STIM1: variants seen among roughly 807,000 people sequenced by gnomAD.
STIM1 encodes stromal interaction molecule 1.
STIM1 carries 25 observed loss-of-function variants against 74.7 expected under a neutral mutation model. That is an observed-to-expected ratio of 0.33 (90% CI 0.24 to 0.47). The LOEUF (loss-of-function observed/expected upper bound fraction) is 0.47, where lower values mean the gene tolerates loss of function less well. Among genes scored for constraint, STIM1 ranks in the 20% least tolerant of loss-of-function variants. The pLI is 1.00. For missense variants in STIM1, 728 were observed against 920.8 expected (o/e 0.79, Z 2.71); for synonymous variants, 328 against 348.8 (o/e 0.94, Z 0.66).
chr11:3,899,191 C>T (rs200299655), intron 1 of STIM1, among the ~76,000 whole-genome samples: 12 of 152,064 alleles, frequency 7.9e-5, no homozygotes, highest in African/African-American at 2.4e-4. Flanking sequence ...TTTTATTTCA[C>T]TGAGCAGTGG....
intron 1 of STIM1, chr11:3,867,008 A>C (rs373306866): frequency 3.3e-5 from 5 of 152,300 alleles, no homozygotes; most frequent in African/African-American, 1.2e-4. Context: ...TGCCCAGTAG[A>C]TATTTGTTGA....
chr11:3,906,320 C>T (rs1457376553), intron 1 of STIM1, among the ~76,000 whole-genome samples: 1 of 152,206 alleles, frequency 6.6e-6, no homozygotes, highest in Non-Finnish European at 1.5e-5. Flanking sequence ...AACTAGGTTA[C>T]CTCAGGCGAG....
intron 1 of STIM1, among the ~76,000 whole-genome samples, chr11:3,880,412 G>A (rs146467969): frequency 7.9e-5 from 12 of 152,228 alleles, no homozygotes; most frequent in South Asian, 6.2e-4. Flanking sequence ...AAAGTCTCCC[G>A]TCTCCCAAGT....
intron 1 of STIM1, among the ~76,000 whole-genome samples, chr11:3,926,937 A>G (rs1045488343): frequency 3.9e-5 from 6 of 152,210 alleles, no homozygotes; most frequent in African/African-American, 1.2e-4. Flanking sequence ...GGCTCCTCCT[A>G]TTATAAGCTG....
intron 1 of STIM1, among the ~76,000 whole-genome samples, chr11:3,866,191 CT>C (rs2090850585): frequency 6.6e-6 from 1 of 152,156 alleles, no homozygotes; most frequent in South Asian, 2.1e-4. Flanking sequence ...GCAGAACAAA[CT>C]TTTATTTATA....
rs56255114 is a variant in STIM1 at position 3,994,463 on chromosome 11, C to CTTT, written c.270+26794_270+26796dup. 1.9e-3 allele frequency among the ~76,000 whole-genome samples: 251 copies of CTTT among 134,378 alleles called. 1 individual carries two copies. Among genetic ancestry groups the CTTT allele is most frequent in the East Asian group, 0.014 (68 of 4,720 alleles). The allele number at this position is 134,378 out of a possible 152,430, so 88.2% of individuals were successfully genotyped here. Reference sequence around the variant, plus strand: ...ATATTTTTCCTTCTCCTTTTTCTTTCTTTTTTTTTTTTTTTGAGACATAGT... The same window carrying CTTT: ...ATATTTTTCCTTCTCCTTTTTCTTTCTTTTTTTTTTTTTTTTTTGAGACATAGT... On this transcript the variant is annotated intron_variant, in intron 2 of 12. Coordinates refer to ENST00000526596, the MANE Select transcript of STIM1 (RefSeq NM_001382567.1).
intron 1 of STIM1, among the ~76,000 whole-genome samples, chr11:3,920,986 G>A (rs1161380195): frequency 6.6e-6 from 1 of 151,984 alleles, no homozygotes; most frequent in African/African-American, 2.4e-5. Flanking sequence ...AGTAGAGACG[G>A]GGTTTCACCA....
At chr11:4,020,455 G>A (rs1477204687) in intron 2 of STIM1, among the ~76,000 whole-genome samples, 1 of 152,104 alleles carries the variant, frequency 6.6e-6, no homozygotes, top group Non-Finnish European at 1.5e-5. Flanking sequence ...ATCCTTGGCA[G>A]CATTTGTTAT....
chr11:3,960,096 G>A (rs974522527), intron 1 of STIM1, among the ~76,000 whole-genome samples: 4 of 152,188 alleles, frequency 2.6e-5, no homozygotes, highest in Non-Finnish European at 4.4e-5. Flanking sequence ...GCTGCATGTA[G>A]AAGTTTGATG....
At chr11:3,930,990 T>C (rs1014372545) in intron 1 of STIM1, among the ~76,000 whole-genome samples, 1 of 152,318 alleles carries the variant, frequency 6.6e-6, no homozygotes, top group African/African-American at 2.4e-5. Context: ...AAGATAGATA[T>C]GGTTCCTGCT....
intron 1 of STIM1, chr11:3,922,774 GA>G (rs531016753): frequency 1.2e-4 from 18 of 146,498 alleles, no homozygotes; most frequent in South Asian, 2.1e-4. Flanking sequence ...CTTTCCTAAA[GA>G]AAAAAAAAAT....
chr11:3,875,655 G>A (rs376160638), intron 1 of STIM1, among the ~76,000 whole-genome samples: 19 of 151,822 alleles, frequency 1.3e-4, no homozygotes, highest in East Asian at 7.8e-4. Flanking sequence ...GAGCCTGGGA[G>A]GCCGAGGCTA....
chr11:3,899,441 A>G (rs1175136796), intron 1 of STIM1, among the ~76,000 whole-genome samples: 2 of 152,306 alleles, frequency 1.3e-5, no homozygotes, highest in Non-Finnish European at 2.9e-5. Flanking sequence ...TTTTCTAGAT[A>G]TACAATCATG....
intron 1 of STIM1, among the ~76,000 whole-genome samples, chr11:3,905,325 G>C (rs1181592445): frequency 6.6e-6 from 1 of 151,680 alleles, no homozygotes; most frequent in Non-Finnish European, 1.5e-5. Context: ...AGGAAGGAAA[G>C]AGGGTGGTAT....
At chr11:3,894,414 G>A (rs2135391387) in intron 1 of STIM1, among the ~76,000 whole-genome samples, 1 of 152,216 alleles carries the variant, frequency 6.6e-6, no homozygotes, top group Admixed American at 6.5e-5. Context: ...TGGAGTGGGG[G>A]GTTCTGCTTT....
At chr11:3,956,944 A>G (rs2093222678) in intron 1 of STIM1, among the ~76,000 whole-genome samples, 1 of 151,352 alleles carries the variant, frequency 6.6e-6, no homozygotes, top group African/African-American at 2.4e-5. Flanking sequence ...AGTATGTGTC[A>G]GGCACTGTAC....
chr11:3,965,335 C>G (rs982146901), intron 1 of STIM1, among the ~76,000 whole-genome samples: 1 of 152,218 alleles, frequency 6.6e-6, no homozygotes, highest in African/African-American at 2.4e-5. Flanking sequence ...TATCATGGCA[C>G]TTAGCACATA....
At chr11:4,046,266 C>T (rs952247239) in intron 3 of STIM1, among the ~76,000 whole-genome samples, 5 of 151,828 alleles carry the variant, frequency 3.3e-5, no homozygotes, top group East Asian at 1.9e-4. Context: ...CTTTTCTCAA[C>T]GGTATCTCTT....
chr11:4,010,652 G>A (rs2923948), intron 2 of STIM1, among the ~76,000 whole-genome samples: 67,463 of 151,920 alleles, frequency 0.44, 16,205 homozygotes, highest in East Asian at 0.61. Context: ...GAGAGGCAAA[G>A]TAGCTTGCCC....
Sources: gnomAD v4.1 joint callset for allele counts (sites outside exome capture counted in the v4.1 genomes callset) on GRCh38, gnomAD v4.1.1 for gene constraint, MANE v1.5 for transcripts, NCBI Gene and HGNC (gene_info 2026-07-23, HGNC 2026-07-21) for gene names.